Variants in PTPN14 observed in about 807,000 individuals in gnomAD.
PTPN14 encodes tyrosine-protein phosphatase non-receptor type 14.
A neutral mutation model predicts 126.8 loss-of-function variants in PTPN14; 53 were observed. The observed-to-expected ratio is 0.42, with a 90% CI of 0.34 to 0.53. The LOEUF (loss-of-function observed/expected upper bound fraction) is 0.53. Ranked by LOEUF, PTPN14 falls within the 20% of genes least tolerant of loss-of-function variation. The pLI, the probability that PTPN14 is intolerant of heterozygous loss-of-function variation, is 0.08. For missense variants in PTPN14, 1,257 were observed against 1,552.9 expected, an observed-to-expected ratio of 0.81 and a Z score of 3.20; for synonymous variants, 630 against 599.3, an observed-to-expected ratio of 1.05 and a Z score of -0.75.
chr1:214,427,969 G>C (rs1035569388), intron 3 of PTPN14, among the ~76,000 whole-genome samples: 1 of 152,198 alleles, frequency 6.6e-6, no homozygotes, highest in Non-Finnish European at 1.5e-5. Context: ...AGAAAAGGCA[G>C]GAAGTGGTAC....
At chr1:214,506,545 A>T (rs1654848675) in intron 1 of PTPN14, among the ~76,000 whole-genome samples, 1 of 152,184 alleles carries the variant, frequency 6.6e-6, no homozygotes, top group Non-Finnish European at 1.5e-5. Context: ...AAATAAATAT[A>T]AAAACTATTT....
Position 214,383,689 on chromosome 1 carries a change from G to C in PTPN14, c.2166C>G (p.Pro722=), listed in dbSNP as rs140459501. ...TCTTCTCCCGGAGCATGGGGATCTG[G>C]GGCACCGATTCTGGAGCCTCCTCCT... ...EEEEEAPESV[P]QIPMLREKME... The change falls in exon 13 of 19, where the codon CCC becomes CCG. Residue 722 remains proline, a synonymous_variant. Transcript: ENST00000366956. The surrounding 1 kb of genome is among the most constrained non-coding windows in gnomAD (Gnocchi z 4.4). The C allele has an allele frequency of 1.2e-6, 2 of 1,613,410 alleles. No individual in the cohort carries two copies. The highest frequency in any genetic ancestry group is 3.3e-5 in the Admixed American group (2 of 60,028).
chr1:214,467,302 C>T (rs1379853984), intron 1 of PTPN14, among the ~76,000 whole-genome samples: 1 of 152,092 alleles, frequency 6.6e-6, no homozygotes, highest in East Asian at 1.9e-4. Flanking sequence ...AGATTCAATT[C>T]CTGCATTAAC....
Position 214,369,734 on chromosome 1 carries a change from A to G in PTPN14, c.3037-43T>C, listed in dbSNP as rs1279663315. On this transcript the variant is annotated intron_variant, in intron 16 of 18. Coordinates refer to ENST00000366956, the MANE Select transcript of PTPN14 (RefSeq NM_005401.5). ...GCAAAATTGGAAATAGGTCAAGGGA[A>G]GCTCTCATCCTTTTAATCCTAAGAT... 2.0e-6 allele frequency: 3 copies of G among 1,534,144 alleles called. No homozygotes were observed. In the South Asian group the frequency reaches 3.4e-5, roughly 17 times the overall value.
intron 1 of PTPN14, among the ~76,000 whole-genome samples, chr1:214,478,830 A>G (rs916927612): frequency 2.0e-5 from 3 of 152,192 alleles, no homozygotes; most frequent in African/African-American, 7.2e-5. Context: ...GCTGGCTCCA[A>G]AGCTCAATCT....
intron 1 of PTPN14, among the ~76,000 whole-genome samples, chr1:214,541,682 T>C (rs541735388): frequency 1.3e-5 from 2 of 152,294 alleles, no homozygotes; most frequent in African/African-American, 4.8e-5. Flanking sequence ...CAAAAGCCCA[T>C]CAGAAAGCAT....
chr1:214,491,056 A>T (rs1474327292), intron 1 of PTPN14, among the ~76,000 whole-genome samples: 5 of 150,510 alleles, frequency 3.3e-5, no homozygotes, highest in South Asian at 4.2e-4. Flanking sequence ...AAAGAAAGAA[A>T]AACAAAGAAA....
At chr1:214,538,959 T>C (rs1655774272) in intron 1 of PTPN14, among the ~76,000 whole-genome samples, 1 of 152,236 alleles carries the variant, frequency 6.6e-6, no homozygotes, top group Non-Finnish European at 1.5e-5. Context: ...TACTGCTCTT[T>C]AAACTTTTCT....
At chr1:214,450,865 T>G (rs1214293611) in intron 3 of PTPN14, among the ~76,000 whole-genome samples, 1 of 152,184 alleles carries the variant, frequency 6.6e-6, no homozygotes, top group Non-Finnish European at 1.5e-5. Flanking sequence ...ACTTTACAGA[T>G]GAGAGGGGAA....
intron 1 of PTPN14, among the ~76,000 whole-genome samples, chr1:214,546,224 C>T (rs750939907): frequency 7.9e-5 from 12 of 152,202 alleles, no homozygotes; most frequent in East Asian, 3.9e-4. Flanking sequence ...CTACCTTAAA[C>T]GTGCTGAATC....
chr1:214,384,655 C>T lies in PTPN14; in HGVS notation c.1200G>A (p.Ser400=), dbSNP rs12404313. 10,964 of 1,614,026 alleles carry T rather than the reference C, an allele frequency of 6.8e-3. 60 individuals are homozygous for T. The highest frequency in any genetic ancestry group is 8.3e-3 in the Middle Eastern group (50 of 6,060). ...CAGGGGAGGCCTGGATGAAACTTTG[C>T]GAGCAGTTGAGGGAGTTGACGCTGT... ...SVHSVNSLNC[S]QSFIQASPVS... is the part of the protein sequence containing the mutation. The change falls in exon 13 of 19, where the codon TCG becomes TCA. Residue 400 remains serine (S), a synonymous_variant. Coordinates refer to ENST00000366956, the MANE Select transcript of PTPN14 (RefSeq NM_005401.5). This position sits in a 1 kb window ranked among gnomAD's most constrained non-coding sequence, Gnocchi z 5.3.
At chr1:214,540,956 T>G (rs1471401086) in intron 1 of PTPN14, among the ~76,000 whole-genome samples, 2 of 152,186 alleles carry the variant, frequency 1.3e-5, no homozygotes, top group African/African-American at 4.8e-5. Context: ...GAAACATTTC[T>G]CTTACATCTA....
chr1:214,417,043 A>ATGC (rs1395103243), intron 3 of PTPN14, among the ~76,000 whole-genome samples: 5 of 152,060 alleles, frequency 3.3e-5, no homozygotes, highest in African/African-American at 9.7e-5. Flanking sequence ...AACAATTTTC[A>ATGC]TGCCAGGAAA....
At chr1:214,502,556 A>C (rs1654732242) in intron 1 of PTPN14, among the ~76,000 whole-genome samples, 2 of 152,126 alleles carry the variant, frequency 1.3e-5, no homozygotes, top group Non-Finnish European at 2.9e-5. Flanking sequence ...ACAGGATCTC[A>C]CTATGTTGCC....
chr1:214,436,899 T>C (rs548193264), intron 3 of PTPN14, among the ~76,000 whole-genome samples: 1 of 152,028 alleles, frequency 6.6e-6, no homozygotes, highest in South Asian at 2.1e-4. Context: ...ATGGGTGTGC[T>C]TGTATGCATG....
chr1:214,395,778 C>A (rs1658864226), intron 8 of PTPN14, among the ~76,000 whole-genome samples: 1 of 152,048 alleles, frequency 6.6e-6, no homozygotes, highest in South Asian at 2.1e-4. Context: ...CCTGGTGCCC[C>A]AACCTGTAAT....
intron 18 of PTPN14, among the ~76,000 whole-genome samples, chr1:214,363,866 C>T (rs1336061869): frequency 6.6e-6 from 1 of 152,176 alleles, no homozygotes; most frequent in East Asian, 1.9e-4. Context: ...CAGTGTAACT[C>T]CCTAATCCTA....
At position 214,353,697 on chromosome 1, in the gene PTPN14, G is replaced by A. The variant is rs1657751933; in HGVS notation, c.*4225C>T. 6.6e-6 allele frequency: 1 copy of A among 152,250 alleles called. No homozygotes were observed. The allele number at this position is 152,250 out of a possible 1,614,324, so 9.4% of individuals were successfully genotyped here. ...CCAATCCGGCTTAAGAGAAGCTGCAGTGCACTATCTACCTCTGCAACTTCC... is the reference window on the plus strand; with the variant it reads ...CCAATCCGGCTTAAGAGAAGCTGCAATGCACTATCTACCTCTGCAACTTCC... On this transcript the variant is annotated 3_prime_UTR_variant, in exon 19 of 19. Transcript: ENST00000366956.
intron 1 of PTPN14, among the ~76,000 whole-genome samples, chr1:214,535,004 T>C (rs1405384033): frequency 6.6e-6 from 1 of 152,040 alleles, no homozygotes; most frequent in African/African-American, 2.4e-5. Context: ...CATCAAAACA[T>C]GACAAGTTAT....
Sources: gnomAD v4.1 joint callset for allele counts (sites outside exome capture counted in the v4.1 genomes callset) on GRCh38, gnomAD v4.1.1 for gene constraint, Gnocchi (gnomAD v3.1) non-coding constraint, MANE v1.5 for transcripts, NCBI Gene and HGNC (gene_info 2026-07-23, HGNC 2026-07-21) for gene names.